Variants in COMT observed in about 807,000 individuals in gnomAD.
COMT encodes catechol O-methyltransferase.
COMT carries 13 observed loss-of-function variants against 18.9 expected under a neutral mutation model. The ratio of observed to expected loss-of-function variants is 0.69; its 90% CI spans 0.45 to 1.09. The LOEUF (loss-of-function observed/expected upper bound fraction) is 1.09, where lower values mean the gene tolerates loss of function less well. Among genes scored for constraint, COMT ranks in the 50% least tolerant of loss-of-function variants. COMT has a pLI of 0.00. For missense variants in COMT, 329 were observed against 361.8 expected, an observed-to-expected ratio of 0.91 and a Z score of 0.73; for synonymous variants, 150 against 160.9, an observed-to-expected ratio of 0.93 and a Z score of 0.51.
In COMT at chr22:19,969,794, T is replaced by C; in HGVS notation, c.*1058T>C. On this transcript the variant is annotated 3_prime_UTR_variant, in exon 6 of 6. Coordinates refer to ENST00000361682, the MANE Select transcript of COMT (RefSeq NM_000754.4). ...CTGCAGGACACAGCAGATGGGCACC[T>C]GGGACCACCTCCACCCAGGGCCCTG... 1 of 975,240 alleles carries C rather than the reference T, an allele frequency of 1.0e-6. No individual in the cohort carries two copies. The highest frequency in any genetic ancestry group is 1.2e-6 in the Non-Finnish European group (1 of 820,688). The allele number at this position is 975,240 out of a possible 1,614,324, so 60.4% of individuals were successfully genotyped here.
chr22:19,946,796 G>A (rs1405818637), intron 1 of COMT, among the ~76,000 whole-genome samples: 2 of 151,718 alleles, frequency 1.3e-5, no homozygotes, highest in Admixed American at 1.3e-4. Flanking sequence ...TGGCAGAAGG[G>A]TATTCACCAG....
intron 1 of COMT, among the ~76,000 whole-genome samples, chr22:19,955,169 A>T (rs1942031674): frequency 6.6e-6 from 1 of 152,162 alleles, no homozygotes; most frequent in South Asian, 2.1e-4. Context: ...TGCCTGGCTC[A>T]ATGGGTATTT....
chr22:19,962,415 C>A, intron 2 of COMT, 112 bp from the exon 3 acceptor site: 2 of 1,505,496 alleles, frequency 1.3e-6, no homozygotes, highest in Non-Finnish European at 1.8e-6. Context: ...CATTTCTGAA[C>A]CTTGCCCCTC....
intron 1 of COMT, among the ~76,000 whole-genome samples, chr22:19,947,949 G>A (rs9332337): frequency 6.6e-6 from 1 of 152,204 alleles, no homozygotes; most frequent in Non-Finnish European, 1.5e-5. Context: ...GGCCCTGTCC[G>A]GGCATAACAG....
intron 1 of COMT, among the ~76,000 whole-genome samples, chr22:19,957,223 T>C (rs532884670): frequency 6.6e-6 from 1 of 152,310 alleles, no homozygotes; most frequent in South Asian, 2.1e-4. Flanking sequence ...GTGCTGGGAT[T>C]ACAGGCATGA....
At chr22:19,964,389 G>A (rs986653168) in intron 5 of COMT, 90 bp downstream of exon 5, 46 of 1,575,386 alleles carry the variant, frequency 2.9e-5, no homozygotes, top group Non-Finnish European at 3.9e-5. Flanking sequence ...AGGCATTCCA[G>A]TAGAGCCCTG....
intron 1 of COMT, among the ~76,000 whole-genome samples, chr22:19,955,491 G>C (rs1374867919): frequency 3.3e-5 from 5 of 152,264 alleles, no homozygotes; most frequent in African/African-American, 4.8e-5. Context: ...AGGGCTTCTT[G>C]CAGCAGTTCC....
Position 19,952,966 on chromosome 22 carries a change from AAATAAATAAATAAATAAAT to A in COMT, c.-91-8230_-91-8212del, listed in dbSNP as rs1266532993. On this transcript the variant is annotated intron_variant, in intron 1 of 5. Transcript: ENST00000361682. ...AGCCCGTCTCAAAAAATAAATAAAT[AAATAAATAAATAAATAAAT>A]AAATAAATAAATAAATAAATAAAAT... 6.1e-5 allele frequency among the ~76,000 whole-genome samples: 2 copies of A among 33,046 alleles called. 1 individual carries two copies. The highest frequency in any genetic ancestry group is 3.4e-4 in the African/African-American group (2 of 5,946). 21.7% of individuals were successfully genotyped at this position (33,046 alleles called of 152,430 possible).
rs1942603659 is a variant in COMT at position 19,969,166 on chromosome 22, T to C, written c.*430T>C. 2 of 183,440 alleles carry C rather than the reference T, an allele frequency of 1.1e-5. No homozygotes were observed. Among genetic ancestry groups the C allele is most frequent in the Non-Finnish European group, 2.3e-5 (2 of 86,362 alleles). The allele number at this position is 183,440 out of a possible 1,614,324, so 11.4% of individuals were successfully genotyped here. A position where few individuals can be genotyped will look rare whatever the true frequency, so the allele number is the denominator to read the frequency against. On this transcript the variant is annotated 3_prime_UTR_variant, in exon 6 of 6. Coordinates refer to ENST00000361682, the MANE Select transcript of COMT (RefSeq NM_000754.4). ...CTGGCTGGGTTCTGGGTGGCACGCC[T>C]GGCCCACTGGCCTCCCAGCCACAGT...
intron 5 of COMT, among the ~76,000 whole-genome samples, chr22:19,968,180 G>C (rs1942528808): frequency 1.3e-5 from 2 of 152,190 alleles, no homozygotes; most frequent in Admixed American, 6.5e-5. Context: ...TCATAGGCCT[G>C]AGTTCCTGGC....
At chr22:19,942,549 C>G (rs569761105) in intron 1 of COMT, among the ~76,000 whole-genome samples, 1 of 152,150 alleles carries the variant, frequency 6.6e-6, no homozygotes, top group Admixed American at 6.5e-5. Flanking sequence ...GAAGTCACTC[C>G]GGGCCTGCCC....
rs775094798 is a variant in COMT at position 19,967,141 on chromosome 22, T to C, written c.616-1395T>C. On this transcript the variant is annotated intron_variant, in intron 5 of 5. Coordinates refer to ENST00000361682, the MANE Select transcript of COMT (RefSeq NM_000754.4). Reference sequence around the variant, plus strand: ...ATGCTCCTTTCTGCCCTTCCCTCCTTCTTTCCTGTTTAACTCGTGCAGGTG... The same window carrying C: ...ATGCTCCTTTCTGCCCTTCCCTCCTCCTTTCCTGTTTAACTCGTGCAGGTG... The C allele has an allele frequency of 8.0e-5, 104 of 1,298,660 alleles. No individual in the cohort carries two copies. In the South Asian group the frequency reaches 1.1e-3, roughly 14 times the overall value. 80.4% of individuals were successfully genotyped at this position (1,298,660 alleles called of 1,614,324 possible). A position where few individuals can be genotyped will look rare whatever the true frequency, so the allele number is the denominator to read the frequency against.
Position 19,964,374 on chromosome 22 carries a change from G to A in COMT, c.615+75G>A, listed in dbSNP as rs4646315. On this transcript the variant is annotated intron_variant, in intron 5 of 5. Transcript: ENST00000361682. ...TTCAGTCAGCCTCAGCCTCTCCAAA[G>A]AGCCAGGCATTCCAGTAGAGCCCTG... 2.5e-6 allele frequency: 4 copies of A among 1,604,604 alleles called. No individual in the cohort carries two copies. In the South Asian group the frequency reaches 4.4e-5, roughly 18 times the overall value.
chr22:19,942,968 A>G (rs1305522244), intron 1 of COMT, among the ~76,000 whole-genome samples: 1 of 152,214 alleles, frequency 6.6e-6, no homozygotes, highest in Non-Finnish European at 1.5e-5. Context: ...CCCCATCCTC[A>G]GGTGTTGGCT....
chr22:19,953,936 C>T (rs1339825343), intron 1 of COMT, among the ~76,000 whole-genome samples: 1 of 152,174 alleles, frequency 6.6e-6, no homozygotes, highest in Admixed American at 6.5e-5. Context: ...AGCGAATGTG[C>T]GACCACCATG....
At chr22:19,967,999 A>C (rs1217099144) in intron 5 of COMT, among the ~76,000 whole-genome samples, 1 of 152,174 alleles carries the variant, frequency 6.6e-6, no homozygotes, top group Non-Finnish European at 1.5e-5. Flanking sequence ...GGCACTGGTG[A>C]AGATGGGGGG....
chr22:19,951,116 T>C (rs1423024158), intron 1 of COMT: 2 of 151,970 alleles, frequency 1.3e-5, no homozygotes, highest in Non-Finnish European at 2.9e-5. Context: ...TCCCAGCACT[T>C]TGGGAGGCCG....
At position 19,950,149 on chromosome 22, in the gene COMT, A is replaced by G. The variant is rs542626343; in HGVS notation, c.-92+8252A>G. ...TTAGGCCAATATATTATCAAACGCA[A>G]TTAACAAAACACAACTCACTAGTTT... On this transcript the variant is annotated intron_variant, in intron 1 of 5. Coordinates refer to ENST00000361682, the MANE Select transcript of COMT (RefSeq NM_000754.4). Among the ~76,000 whole-genome samples, 30 of 151,688 alleles carry G rather than the reference A, an allele frequency of 2.0e-4. No individual in the cohort carries two copies. In the South Asian group the frequency reaches 3.5e-3, roughly 18 times the overall value.
chr22:19,942,100 CG>C (rs888225961), intron 1 of COMT: 12 of 323,400 alleles, frequency 3.7e-5, no homozygotes, highest in Admixed American at 5.2e-5. Context: ...ATCTTTGGAC[CG>C]GGGTGGGGTC....
Sources: allele counts gnomAD v4.1 joint callset (sites outside exome capture counted in the v4.1 genomes callset), GRCh38; gene constraint gnomAD v4.1.1; transcripts MANE v1.5; gene names NCBI Gene and HGNC (gene_info 2026-07-23, HGNC 2026-07-21).